SGPP2: variants seen among roughly 807,000 people sequenced by gnomAD.
SGPP2 encodes sphingosine 1-phosphate phosphohydrolase 2.
A neutral mutation model predicts 33.9 loss-of-function variants in SGPP2; 30 were observed. That is an observed-to-expected ratio of 0.89 (90% CI 0.66 to 1.20). The LOEUF is 1.20. Among genes scored for constraint, SGPP2 ranks in the 50% most tolerant of loss-of-function variants. The pLI, the probability that SGPP2 is intolerant of heterozygous loss-of-function variation, is 0.00. For synonymous variants in SGPP2, 233 were observed against 225.0 expected, an observed-to-expected ratio of 1.04 and a Z score of -0.32; for missense variants, 458 against 532.1, an observed-to-expected ratio of 0.86 and a Z score of 1.37.
At chr2:222,526,536 A>G (rs578063618) in intron 4 of SGPP2, among the ~76,000 whole-genome samples, 1 of 152,326 alleles carries the variant, frequency 6.6e-6, no homozygotes, top group Non-Finnish European at 1.5e-5. Flanking sequence ...ATAGACTTCA[A>G]TATGGAATGA....
At chr2:222,478,255 A>G (rs1413996905) in intron 2 of SGPP2, among the ~76,000 whole-genome samples, 1 of 130,198 alleles carries the variant, frequency 7.7e-6, no homozygotes, top group East Asian at 2.4e-4. Flanking sequence ...ATCTTCGTGT[A>G]TGTGCATGCA....
rs1236576918 is a variant in SGPP2, at chr2:222,532,281, G to GA, written c.648+7256dup. 1.5e-4 allele frequency among the ~76,000 whole-genome samples: 22 copies of GA among 148,280 alleles called. No individual in the cohort carries two copies. In the South Asian group the frequency reaches 3.7e-3, roughly 25 times the overall value. On this transcript the variant is annotated intron_variant, in intron 4 of 4. Coordinates refer to ENST00000321276, the MANE Select transcript of SGPP2 (RefSeq NM_152386.4). ...AAGAGTGAAACTCTGTCTCAAAAAA[G>GA]AAAAAAAAGAAAAGAAAAAAGAAAA...
At chr2:222,488,175 T>TC (rs1480112671) in intron 2 of SGPP2, among the ~76,000 whole-genome samples, 1 of 152,102 alleles carries the variant, frequency 6.6e-6, no homozygotes, top group Non-Finnish European at 1.5e-5. Context: ...TTTCCTGTGG[T>TC]CCCCCATGAT....
At chr2:222,516,923 G>T (rs535484683) in intron 2 of SGPP2, among the ~76,000 whole-genome samples, 97 of 152,296 alleles carry the variant, frequency 6.4e-4, no homozygotes, top group African/African-American at 2.3e-3. Flanking sequence ...TCTAGGAGAT[G>T]AGCACTATTT....
At chr2:222,506,199 A>T (rs1205223658) in intron 2 of SGPP2, among the ~76,000 whole-genome samples, 3 of 152,252 alleles carry the variant, frequency 2.0e-5, no homozygotes, top group Non-Finnish European at 4.4e-5. Flanking sequence ...CCACGTGAAC[A>T]GTTGTCTCTC....
intron 1 of SGPP2, chr2:222,452,976 A>T: frequency 3.2e-6 from 5 of 1,585,392 alleles, no homozygotes; most frequent in Non-Finnish European, 4.3e-6. Flanking sequence ...TCTATCATTG[A>T]GTACACACAG....
At chr2:222,525,707 A>G (rs1307464359) in intron 4 of SGPP2, among the ~76,000 whole-genome samples, 5 of 152,234 alleles carry the variant, frequency 3.3e-5, no homozygotes, top group Admixed American at 3.3e-4. Context: ...CAGGGGCGCT[A>G]TTTATCATCG....
chr2:222,549,810 G>A (rs1689260927), intron 4 of SGPP2, among the ~76,000 whole-genome samples: 1 of 151,374 alleles, frequency 6.6e-6, no homozygotes. Context: ...AAGGTTGACT[G>A]TATTTCAAAC....
intron 1 of SGPP2, among the ~76,000 whole-genome samples, chr2:222,444,457 T>A (rs1240342929): frequency 6.6e-6 from 1 of 152,206 alleles, no homozygotes; most frequent in African/African-American, 2.4e-5. Context: ...GAAATAACAC[T>A]ACTAATATTC....
At chr2:222,539,196 CA>C (rs1322069385) in intron 4 of SGPP2, among the ~76,000 whole-genome samples, 1 of 152,048 alleles carries the variant, frequency 6.6e-6, no homozygotes, top group East Asian at 1.9e-4. Flanking sequence ...TACTTCCATT[CA>C]AAAAGGGAGA....
chr2:222,501,702 A>G (rs1200532892), intron 2 of SGPP2, among the ~76,000 whole-genome samples: 1 of 152,202 alleles, frequency 6.6e-6, no homozygotes, highest in East Asian at 1.9e-4. Flanking sequence ...AGGGTAAGTC[A>G]AGAATAGATA....
intron 4 of SGPP2, among the ~76,000 whole-genome samples, chr2:222,538,896 G>A (rs1698953341): frequency 6.6e-6 from 1 of 152,084 alleles, no homozygotes; most frequent in African/African-American, 2.4e-5. Context: ...CTCCCACCAG[G>A]TCCCACCTCC....
rs1574899575 is a variant in SGPP2, at chr2:222,561,440, G to A, written c.*2542G>A. Among the ~76,000 whole-genome samples, 1 of 151,862 alleles carries A rather than the reference G, an allele frequency of 6.6e-6. No individual in the cohort carries two copies. Among genetic ancestry groups the A allele is most frequent in the Admixed American group, 6.6e-5 (1 of 15,252 alleles). On this transcript the variant is annotated 3_prime_UTR_variant, in exon 5 of 5. Transcript: ENST00000321276. Reference sequence around the variant, plus strand: ...CTGAAGCCAGCTGACAAAAGGATCAGCTTTTCCCACTTGTATTTTTTAAAA... The same window carrying A: ...CTGAAGCCAGCTGACAAAAGGATCAACTTTTCCCACTTGTATTTTTTAAAA...
At chr2:222,521,002 C>T (rs528404647) in intron 2 of SGPP2, among the ~76,000 whole-genome samples, 28 of 152,328 alleles carry the variant, frequency 1.8e-4, no homozygotes, top group East Asian at 3.9e-4. Context: ...TCAAGCCGTC[C>T]TCCCGCCTTG....
chr2:222,558,981 A>G lies in SGPP2; in HGVS notation c.*83A>G. 1 of 1,387,834 alleles carries G rather than the reference A, an allele frequency of 7.2e-7. No individual in the cohort carries two copies. The highest frequency in any genetic ancestry group is 9.8e-7 in the Non-Finnish European group (1 of 1,015,312). The allele number at this position is 1,387,834 out of a possible 1,614,324, so 86.0% of individuals were successfully genotyped here. A position where few individuals can be genotyped will look rare whatever the true frequency, so the allele number is the denominator to read the frequency against. On this transcript the variant is annotated 3_prime_UTR_variant, in exon 5 of 5. Coordinates refer to ENST00000321276, the MANE Select transcript of SGPP2 (RefSeq NM_152386.4). ...ATTGGTAGGCAAATCTTGACAACTT[A>G]TTTTTCTTTAACAACAACAAAAAGT...
intron 2 of SGPP2, among the ~76,000 whole-genome samples, chr2:222,517,161 C>G (rs1698615424): frequency 6.6e-6 from 1 of 152,148 alleles, no homozygotes; most frequent in African/African-American, 2.4e-5. Context: ...CAGGGAAATA[C>G]TGGGTAGAAG....
At position 222,561,517 on chromosome 2, in the gene SGPP2, G is replaced by GATAT. The variant is rs34718265; in HGVS notation, c.*2628_*2631dup. Among the ~76,000 whole-genome samples, 29 of 144,180 alleles carry GATAT rather than the reference G, an allele frequency of 2.0e-4. No individual in the cohort carries two copies. In the South Asian group the frequency reaches 2.1e-3, roughly 11 times the overall value. The allele number at this position is 144,180 out of a possible 152,430, so 94.6% of individuals were successfully genotyped here. On this transcript the variant is annotated 3_prime_UTR_variant, in exon 5 of 5. Transcript: ENST00000321276. ...GTGGGTGCTGGCCTCTCATATATAT[G>GATAT]ATATATATATATCATTTTATATATA...
rs560053162 is a variant in SGPP2 at position 222,452,205 on chromosome 2, G to T, written c.220-22363G>T. Among the ~76,000 whole-genome samples the T allele has an allele frequency of 2.6e-5, 4 of 151,894 alleles. No individual in the cohort carries two copies. The South Asian group carries it at 8.3e-4, about 32-fold the overall frequency. ...GTCTTTTCTCCAGGAAGATCCAATA[G>T]GAAAAAAGAAAGAAACCTCTCTGAT... On this transcript the variant is annotated intron_variant, in intron 1 of 4. Coordinates refer to ENST00000321276, the MANE Select transcript of SGPP2 (RefSeq NM_152386.4).
intron 2 of SGPP2, among the ~76,000 whole-genome samples, chr2:222,508,631 T>C (rs1178600538): frequency 6.6e-6 from 1 of 152,228 alleles, no homozygotes; most frequent in African/African-American, 2.4e-5. Context: ...ACAATCTTTG[T>C]ACCTTTAGTG....
Sources: allele counts gnomAD v4.1 joint callset (sites outside exome capture counted in the v4.1 genomes callset), GRCh38; gene constraint gnomAD v4.1.1; transcripts MANE v1.5; gene names NCBI Gene and HGNC (gene_info 2026-07-23, HGNC 2026-07-21).